ROBO1: variants seen among roughly 807,000 people sequenced by gnomAD.
The protein encoded by ROBO1 is roundabout homolog 1.
ROBO1 carries 149 observed loss-of-function variants against 195.9 expected under a neutral mutation model. That is an observed-to-expected ratio of 0.76 (90% CI 0.67 to 0.87). The LOEUF (loss-of-function observed/expected upper bound fraction) is 0.87, where lower values mean the gene tolerates loss of function less well. Among genes scored for constraint, ROBO1 ranks in the 40% least tolerant of loss-of-function variants. The probability of loss-of-function intolerance (pLI) is 0.00; values close to 1 mark genes in which losing one functional copy is unlikely to be tolerated. For synonymous variants in ROBO1, 816 were observed against 733.2 expected, an observed-to-expected ratio of 1.11 and a Z score of -1.82; for missense variants, 1,933 against 2,068.3, an observed-to-expected ratio of 0.93 and a Z score of 1.27.
At chr3:79,288,144 T>C (rs2109019939) in intron 2 of ROBO1, among the ~76,000 whole-genome samples, 1 of 152,308 alleles carries the variant, frequency 6.6e-6, no homozygotes, top group Non-Finnish European at 1.5e-5. Flanking sequence ...TTTCAAACTT[T>C]GCACCTGATA....
At chr3:79,074,573 A>T (rs927523328) in intron 3 of ROBO1, among the ~76,000 whole-genome samples, 2 of 151,098 alleles carry the variant, frequency 1.3e-5, no homozygotes, top group Non-Finnish European at 2.9e-5. Context: ...GCATGCCACC[A>T]TGTTCAGCTC....
At chr3:79,158,622 G>T (rs1458887959) in intron 2 of ROBO1, among the ~76,000 whole-genome samples, 2 of 151,630 alleles carry the variant, frequency 1.3e-5, no homozygotes, top group African/African-American at 4.8e-5. Flanking sequence ...TTGTTGTAAG[G>T]AGTGAAGCAA....
chr3:79,120,325 A>G (rs2080093694), intron 3 of ROBO1, among the ~76,000 whole-genome samples: 2 of 152,166 alleles, frequency 1.3e-5, no homozygotes, highest in Admixed American at 6.5e-5. Context: ...TTATAAAAAT[A>G]TTAAGAAAAT....
intron 3 of ROBO1, among the ~76,000 whole-genome samples, chr3:79,100,394 C>A (rs1054956638): frequency 1.3e-5 from 2 of 151,598 alleles, no homozygotes; most frequent in Non-Finnish European, 2.9e-5. Flanking sequence ...AAACCTTATT[C>A]TTTTTTTCCC....
intron 2 of ROBO1, among the ~76,000 whole-genome samples, chr3:79,270,351 A>C (rs2030431092): frequency 6.6e-6 from 1 of 151,776 alleles, no homozygotes; most frequent in Non-Finnish European, 1.5e-5. Context: ...CTTTAATACT[A>C]ATAACAATGT....
intron 27 of ROBO1, among the ~76,000 whole-genome samples, chr3:78,616,596 G>A (rs10451951): frequency 0.064 from 9,778 of 152,126 alleles, 470 homozygotes; most frequent in African/African-American, 0.13. Context: ...GACCATGGAA[G>A]ACTACCAATG....
intron 2 of ROBO1, among the ~76,000 whole-genome samples, chr3:79,520,029 G>A (rs951973284): frequency 1.3e-5 from 2 of 151,904 alleles, no homozygotes; most frequent in African/African-American, 2.4e-5. Flanking sequence ...TCAGTTAGGA[G>A]TGGTGGCACA....
chr3:79,126,997 T>G, intron 2 of ROBO1, among the ~76,000 whole-genome samples: 1 of 147,388 alleles, frequency 6.8e-6, no homozygotes, highest in Admixed American at 6.8e-5. Context: ...TAACCTGATG[T>G]GGCTAAAACG....
intron 2 of ROBO1, among the ~76,000 whole-genome samples, chr3:79,352,909 A>G (rs2035401083): frequency 6.6e-6 from 1 of 152,218 alleles, no homozygotes; most frequent in Non-Finnish European, 1.5e-5. Context: ...AATCTCAAAC[A>G]GAATATAACT....
intron 2 of ROBO1, among the ~76,000 whole-genome samples, chr3:79,523,532 G>A (rs1941305010): frequency 6.9e-6 from 1 of 145,378 alleles, no homozygotes; most frequent in Non-Finnish European, 1.5e-5. Flanking sequence ...GAGTGCAGTG[G>A]CACACTCTCA....
rs911777212 is a variant in ROBO1, at chr3:79,073,722, G to A, written c.172+51734C>T. On this transcript the variant is annotated intron_variant, in intron 3 of 30. Transcript: ENST00000464233. ...TTCTTAGCATTCAAAAAGAGAGTTC[G>A]CTTTATGCCGTCTAACCTTGTCTGA... Among the ~76,000 whole-genome samples the A allele has an allele frequency of 7.9e-5, 12 of 151,746 alleles. No individual in the cohort carries two copies. The East Asian group carries it at 9.8e-4, about 12-fold the overall frequency.
chr3:78,693,453 T>C lies in ROBO1; in HGVS notation c.1046-4681A>G. On this transcript the variant is annotated intron_variant, in intron 8 of 30. Transcript: ENST00000464233. ...ATAAGATTTGACTTAACAATGATTC[T>C]TCTTTTAAGATAAAGAACATGTTAA... The C allele has an allele frequency of 3.4e-6, 3 of 893,132 alleles. No homozygotes were observed. In the Admixed American group the frequency reaches 6.5e-5, roughly 19 times the overall value. 55.3% of individuals were successfully genotyped at this position (893,132 alleles called of 1,614,324 possible).
chr3:78,710,433 GC>G (rs1372376551), intron 8 of ROBO1, among the ~76,000 whole-genome samples: 2 of 152,126 alleles, frequency 1.3e-5, no homozygotes, highest in Non-Finnish European at 2.9e-5. Flanking sequence ...CAGTAGAAGA[GC>G]CACTGATCTA....
chr3:79,709,393 A>T (rs1183146346), intron 1 of ROBO1, among the ~76,000 whole-genome samples: 1 of 152,164 alleles, frequency 6.6e-6, no homozygotes, highest in Non-Finnish European at 1.5e-5. Context: ...CTGTAGCTAC[A>T]TAATTATTTT....
intron 1 of ROBO1, among the ~76,000 whole-genome samples, chr3:79,590,391 CA>C (rs1040038696): frequency 6.6e-6 from 1 of 151,590 alleles, no homozygotes; most frequent in Admixed American, 6.6e-5. Context: ...CAGAAAAAAA[CA>C]AAAAACTTGC....
chr3:79,305,159 G>A (rs979521452), intron 2 of ROBO1, among the ~76,000 whole-genome samples: 5 of 152,010 alleles, frequency 3.3e-5, no homozygotes, highest in African/African-American at 4.8e-5. Flanking sequence ...ACACTTTGAG[G>A]CAGGTTGAGA....
chr3:79,628,194 T>C (rs908053974), intron 1 of ROBO1, among the ~76,000 whole-genome samples: 3 of 152,312 alleles, frequency 2.0e-5, no homozygotes, highest in Non-Finnish European at 2.9e-5. Context: ...CATATGTTTA[T>C]TGCAGCATTA....
At chr3:79,348,509 G>A (rs1202450284) in intron 2 of ROBO1, among the ~76,000 whole-genome samples, 1 of 152,108 alleles carries the variant, frequency 6.6e-6, no homozygotes, top group African/African-American at 2.4e-5. Flanking sequence ...ACACAACTGT[G>A]GAAAAATTGG....
intron 2 of ROBO1, among the ~76,000 whole-genome samples, chr3:79,372,113 C>T (rs1481235595): frequency 6.6e-6 from 1 of 152,076 alleles, no homozygotes; most frequent in Non-Finnish European, 1.5e-5. Flanking sequence ...TCACCTGCCA[C>T]TTATCTCCTG....
Sources: gnomAD v4.1 joint callset for allele counts (sites outside exome capture counted in the v4.1 genomes callset) on GRCh38, gnomAD v4.1.1 for gene constraint, MANE v1.5 for transcripts, NCBI Gene and HGNC (gene_info 2026-07-23, HGNC 2026-07-21) for gene names.